The following SIGLEC5 variants were observed in gnomAD, a reference collection of about 807,000 sequenced individuals.
SIGLEC5 encodes the protein sialic acid-binding Ig-like lectin 5.
Under a neutral mutation model 45.9 loss-of-function variants are expected in SIGLEC5, and 34 were observed. That is an observed-to-expected ratio of 0.74 (90% CI 0.56 to 0.99). The LOEUF is 0.99. Among genes scored for constraint, SIGLEC5 ranks in the 50% least tolerant of loss-of-function variants. The pLI is 0.00. For missense variants in SIGLEC5, 508 were observed against 629.6 expected (o/e 0.81, Z 2.07); for synonymous variants, 203 against 258.6 (o/e 0.79, Z 2.06).
chr19:51,626,158 C>T (rs769174635), intron 7 of SIGLEC5, 45 bp from the exon 8 acceptor site: 24 of 1,481,648 alleles, frequency 1.6e-5, no homozygotes, highest in Middle Eastern at 4.2e-4. Flanking sequence ...CACCCAGGCA[C>T]GGGTTAGCGG....
At chr19:51,615,849 T>C (rs1276673944) in intron 8 of SIGLEC5, among the ~76,000 whole-genome samples, 1 of 152,208 alleles carries the variant, frequency 6.6e-6, no homozygotes, top group African/African-American at 2.4e-5. Context: ...TGATCTCGGC[T>C]CACTGCAACC....
chr19:51,627,930 GC>G lies in SIGLEC5; in HGVS notation c.900del (p.Glu300AspfsTer5). The G allele has an allele frequency of 6.2e-7, 1 of 1,614,136 alleles. No homozygotes were observed. Reference sequence around the variant, plus strand: ...TCTTCTGCAGACCTTACTCGACGAAGCTCCAAGATCCCGGTATTGGAGATGG... The same window carrying G: ...TCTTCTGCAGACCTTACTCGACGAAGTCCAAGATCCCGGTATTGGAGATGG... ...ATPISNTGIL[E>X]LRRVRSAEEG... On this transcript the variant is annotated frameshift_variant, in exon 5 of 9. Coordinates refer to ENST00000683636, the MANE Select transcript of SIGLEC5 (RefSeq NM_003830.4). LOFTEE classifies it high-confidence loss of function.
Position 51,628,003 on chromosome 19 carries a change from A to T in SIGLEC5, c.828T>A (p.Pro276=). Residue 276 remains proline (P), a synonymous_variant, in exon 5 of 9, where the codon CCT becomes CCA. Transcript: ENST00000683636. The stretch of plus-strand genomic sequence containing the variant: ...AGCCCTGGAACCAGCTCAGGTGTGC[A>T]GGGGGGTTGCTGGGAGCATCACAGA... ...RLLCDAPSNP[P]AHLSWFQGSP... 1 of 1,611,836 alleles carries T rather than the reference A, an allele frequency of 6.2e-7. No homozygotes were observed. The highest frequency in any genetic ancestry group is 8.5e-7 in the Non-Finnish European group (1 of 1,178,886).
At chr19:51,628,811 G>A (rs1983609512) in intron 4 of SIGLEC5, among the ~76,000 whole-genome samples, 1 of 147,924 alleles carries the variant, frequency 6.8e-6, no homozygotes, top group Non-Finnish European at 1.5e-5. Flanking sequence ...TGGTGTATAT[G>A]CATGTGTGTG....
Position 51,627,253 on chromosome 19 carries a change from A to G in SIGLEC5, c.1283-5T>C. On this transcript the variant is annotated splice_polypyrimidine_tract_variant and splice_region_variant and intron_variant, in intron 6 of 8. Transcript: ENST00000683636. ...CTGTCCCGAGGTTCGATCTCCCTGCAGAAAAGAGGGGCGTGCAATAACTCA... is the reference window on the plus strand; with the variant it reads ...CTGTCCCGAGGTTCGATCTCCCTGCGGAAAAGAGGGGCGTGCAATAACTCA... 6.2e-7 allele frequency: 1 copy of G among 1,613,262 alleles called. No individual in the cohort carries two copies. Among genetic ancestry groups the G allele is most frequent in the Non-Finnish European group, 8.5e-7 (1 of 1,179,292 alleles).
rs1983471357 is a variant in SIGLEC5, at chr19:51,626,133, C to T, written c.1383-20G>A. ...TTCACTCTAAGGAAAGAAACCAGCA[C>T]AGTGCAGCTGGGACCACCCAGGCAC... On this transcript the variant is annotated intron_variant, in intron 7 of 8. Coordinates refer to ENST00000683636, the MANE Select transcript of SIGLEC5 (RefSeq NM_003830.4). 2 of 1,607,832 alleles carry T rather than the reference C, an allele frequency of 1.2e-6. No homozygotes were observed. The highest frequency in any genetic ancestry group is 1.7e-5 in the Admixed American group (1 of 59,998).
intron 7 of SIGLEC5, among the ~76,000 whole-genome samples, chr19:51,626,681 G>A (rs1983493233): frequency 6.6e-6 from 1 of 152,018 alleles, no homozygotes; most frequent in Non-Finnish European, 1.5e-5. Flanking sequence ...GATAGCTAAG[G>A]GGTGCAAGGT....
chr19:51,621,647 T>C (rs1983286033), intron 8 of SIGLEC5: 1 of 152,212 alleles, frequency 6.6e-6, no homozygotes, highest in Non-Finnish European at 1.5e-5. Flanking sequence ...ATCACTAATT[T>C]TTCAGATGGT....
rs1281467553 is a variant in SIGLEC5, at chr19:51,629,458, G to A, written c.600C>T (p.Leu200=). 1 of 1,613,398 alleles carries A rather than the reference G, an allele frequency of 6.2e-7. No individual in the cohort carries two copies. Among genetic ancestry groups the A allele is most frequent in the Non-Finnish European group, 8.5e-7 (1 of 1,179,884 alleles). ...PETTRSSELT[L]TPRPEDHGTN... ...TGCCATGGTCCTCGGGCCTGGGGGT[G>A]AGGGTGAGCTCCGAGGAGCGGGTGG... Residue 200 remains leucine, a synonymous_variant, in exon 3 of 9, where the codon CTC becomes CTT. Coordinates refer to ENST00000683636, the MANE Select transcript of SIGLEC5 (RefSeq NM_003830.4).
Position 51,627,943 on chromosome 19 carries a change from G to C in SIGLEC5, c.888C>G (p.Thr296=), listed in dbSNP as rs774816616. ...TTACTCGACGAAGCTCCAAGATCCCGGTATTGGAGATGGGGGTGGCGTTCA... is the reference window on the plus strand; with the variant it reads ...TTACTCGACGAAGCTCCAAGATCCCCGTATTGGAGATGGGGGTGGCGTTCA... ...PALNATPISN[T]GILELRRVRS... is the part of the protein sequence containing the mutation. The change falls in exon 5 of 9, where the codon ACC becomes ACG. Residue 296 remains threonine, a synonymous_variant. Transcript: ENST00000683636. The C allele has an allele frequency of 1.9e-6, 3 of 1,614,102 alleles. No homozygotes were observed. The East Asian group carries it at 6.7e-5, about 36-fold the overall frequency.
intron 4 of SIGLEC5, 34 bp from the exon 5 acceptor site, chr19:51,628,125 G>A: frequency 6.7e-7 from 1 of 1,493,556 alleles, no homozygotes; most frequent in African/African-American, 1.4e-5. Context: ...AAGAGAGATG[G>A]GGCCAGGGAG....
rs775012896 is a variant in SIGLEC5, at chr19:51,628,013, C to T, written c.818G>A (p.Ser273Asn). Residue 273 changes from serine to asparagine, a missense_variant, in exon 5 of 9, where the codon AGC becomes AAC. Transcript: ENST00000683636. ...QALRLLCDAP[S>N]NPPAHLSWFQ... ...CCAGCTCAGGTGTGCAGGGGGGTTG[C>T]TGGGAGCATCACAGAGCAGCCGCAG... The T allele has an allele frequency of 1.9e-6, 3 of 1,610,002 alleles. No homozygotes were observed. Among genetic ancestry groups the T allele is most frequent in the South Asian group, 2.2e-5 (2 of 90,662 alleles).
chr19:51,620,019 TATA>T (rs1230746194), intron 8 of SIGLEC5, among the ~76,000 whole-genome samples: 1 of 150,438 alleles, frequency 6.6e-6, no homozygotes, highest in Non-Finnish European at 1.5e-5. Context: ...AAACAAATAA[TATA>T]AAGACAAAAG....
At position 51,627,868 on chromosome 19, in the gene SIGLEC5, G is replaced by A. The variant is rs1983555994; in HGVS notation, c.963C>T (p.Gly321=). 1.1e-5 allele frequency: 17 copies of A among 1,609,802 alleles called. No homozygotes were observed. The highest frequency in any genetic ancestry group is 1.4e-5 in the Non-Finnish European group (17 of 1,178,044). The change falls in exon 5 of 9, where the codon GGC becomes GGT. Residue 321 remains glycine (G), a synonymous_variant. Coordinates refer to ENST00000683636, the MANE Select transcript of SIGLEC5 (RefSeq NM_003830.4). ...GFTCRAQHPL[G]FLQIFLNLSV... Reference sequence around the variant, plus strand: ...AGAGATTCAGAAAAATTTGCAGGAAGCCCAGCGGGTGCTGAGCGCGGCAGG... The same window carrying A: ...AGAGATTCAGAAAAATTTGCAGGAAACCCAGCGGGTGCTGAGCGCGGCAGG...
At chr19:51,621,132 G>T (rs1411902201) in intron 8 of SIGLEC5, 1 of 152,210 alleles carries the variant, frequency 6.6e-6, no homozygotes, top group African/African-American at 2.4e-5. Context: ...CATTTACTGA[G>T]AGAATTATGA....
Position 51,627,948 on chromosome 19 carries a change from TGGAGATGGGG to T in SIGLEC5, c.873_882del (p.Pro292IlefsTer10), listed in dbSNP as rs1467330860. ...CGACGAAGCTCCAAGATCCCGGTAT[TGGAGATGGGG>T]GTGGCGTTCAGGGCAGGGGAGCCCT... On this transcript the variant is annotated frameshift_variant, in exon 5 of 9. Coordinates refer to ENST00000683636, the MANE Select transcript of SIGLEC5 (RefSeq NM_003830.4). LOFTEE classifies it high-confidence loss of function. The T allele has an allele frequency of 6.2e-7, 1 of 1,613,866 alleles. No individual in the cohort carries two copies. Among genetic ancestry groups the T allele is most frequent in the Non-Finnish European group, 8.5e-7 (1 of 1,179,980 alleles).
chr19:51,625,908 G>T, intron 8 of SIGLEC5, 124 bp downstream of exon 8: 1 of 711,338 alleles, frequency 1.4e-6, no homozygotes. Context: ...GATATGAAGG[G>T]GGAGAACAGG....
intron 8 of SIGLEC5, among the ~76,000 whole-genome samples, chr19:51,625,232 G>T (rs1324329097): frequency 2.0e-5 from 3 of 152,236 alleles, no homozygotes; most frequent in Non-Finnish European, 4.4e-5. Context: ...AGGACAGCAG[G>T]TCCGTATGGA....
intron 8 of SIGLEC5, among the ~76,000 whole-genome samples, chr19:51,618,919 A>C (rs866594393): frequency 6.6e-6 from 1 of 152,140 alleles, no homozygotes; most frequent in Non-Finnish European, 1.5e-5. Context: ...TTAAAAGTAC[A>C]TCAAATATAA....
Sources: allele counts gnomAD v4.1 joint callset (sites outside exome capture counted in the v4.1 genomes callset), GRCh38; gene constraint gnomAD v4.1.1; transcripts MANE v1.5; gene names NCBI Gene and HGNC (gene_info 2026-07-23, HGNC 2026-07-21).